The following LRRTM3 variants were observed in gnomAD, a reference collection of about 807,000 sequenced individuals.
The protein encoded by LRRTM3 is leucine-rich repeat transmembrane neuronal protein 3.
Under a neutral mutation model 44.7 loss-of-function variants are expected in LRRTM3, and 24 were observed. The ratio of observed to expected loss-of-function variants is 0.54; its 90% CI spans 0.39 to 0.76. LRRTM3 has a LOEUF of 0.76. Ranked by LOEUF, LRRTM3 falls within the 30% of genes least tolerant of loss-of-function variation. The probability of loss-of-function intolerance (pLI) is 0.00; values close to 1 mark genes in which losing one functional copy is unlikely to be tolerated. For synonymous variants in LRRTM3, 277 were observed against 278.7 expected (o/e 0.99, Z 0.06); for missense variants, 587 against 702.2 (o/e 0.84, Z 1.85).
chr10:66,962,739 C>G (rs1413493870), intron 2 of LRRTM3, among the ~76,000 whole-genome samples: 1 of 151,968 alleles, frequency 6.6e-6, no homozygotes. Flanking sequence ...ATTCAAATGT[C>G]CCTTCAATAA....
chr10:67,020,852 A>ATGAGAG (rs1852963530), intron 2 of LRRTM3, among the ~76,000 whole-genome samples: 1 of 152,154 alleles, frequency 6.6e-6, no homozygotes, highest in African/African-American at 2.4e-5. Flanking sequence ...AGATGAAGAG[A>ATGAGAG]TGAGAGTGAC....
At chr10:67,026,320 G>A (rs1853388351) in intron 2 of LRRTM3, among the ~76,000 whole-genome samples, 1 of 152,030 alleles carries the variant, frequency 6.6e-6, no homozygotes, top group Admixed American at 6.6e-5. Flanking sequence ...CCAGATTCAA[G>A]TAGAGTTTTA....
At chr10:66,975,034 T>A (rs1304814926) in intron 2 of LRRTM3, among the ~76,000 whole-genome samples, 1 of 152,182 alleles carries the variant, frequency 6.6e-6, no homozygotes, top group Non-Finnish European at 1.5e-5. Flanking sequence ...GAAGAGGAGA[T>A]GAGTAATCTG....
chr10:67,030,979 G>C (rs142581729), intron 2 of LRRTM3, among the ~76,000 whole-genome samples: 10 of 152,178 alleles, frequency 6.6e-5, no homozygotes, highest in African/African-American at 2.2e-4. Flanking sequence ...ACTCCAGCCT[G>C]GGCAACAAGA....
chr10:67,042,856 A>T lies in LRRTM3; in HGVS notation c.1537-54731A>T, dbSNP rs78266650. Among the ~76,000 whole-genome samples the T allele has an allele frequency of 0.01, 1,566 of 152,278 alleles. 65 individuals are homozygous for T. In the East Asian group the frequency reaches 0.14, roughly 14 times the overall value. On this transcript the variant is annotated intron_variant, in intron 2 of 2. Coordinates refer to ENST00000361320, the MANE Select transcript of LRRTM3 (RefSeq NM_178011.5). The stretch of plus-strand genomic sequence containing the variant: ...TAGTTCCAATGGAAATGTGAGGAAT[A>T]GGAGGTAGTTAAAGGGCAATAGACC...
chr10:66,955,884 G>A (rs1020844354), intron 2 of LRRTM3, among the ~76,000 whole-genome samples: 3 of 152,090 alleles, frequency 2.0e-5, no homozygotes, highest in East Asian at 1.9e-4. Context: ...ATCTGACTGG[G>A]GGGTATCTTT....
At chr10:67,058,767 C>T (rs1855587113) in intron 2 of LRRTM3, among the ~76,000 whole-genome samples, 1 of 152,176 alleles carries the variant, frequency 6.6e-6, no homozygotes. Flanking sequence ...CGTGACTAGA[C>T]TTGTAATGTC....
chr10:67,079,708 C>T (rs961278155), intron 2 of LRRTM3, among the ~76,000 whole-genome samples: 5 of 151,910 alleles, frequency 3.3e-5, no homozygotes, highest in Admixed American at 6.6e-5. Flanking sequence ...ACTAGCCAGG[C>T]GTGGTGGCGG....
intron 2 of LRRTM3, among the ~76,000 whole-genome samples, chr10:67,066,356 C>T (rs1856083408): frequency 6.6e-6 from 1 of 151,972 alleles, no homozygotes. Context: ...CCACATCAAG[C>T]TAATTTTTGT....
At chr10:67,082,465 A>G (rs561414551) in intron 2 of LRRTM3, among the ~76,000 whole-genome samples, 187 of 152,282 alleles carry the variant, frequency 1.2e-3, no homozygotes, top group Non-Finnish European at 2.1e-3. Flanking sequence ...TAAACCCCCA[A>G]GCAGATTTTG....
At position 67,060,461 on chromosome 10, in the gene LRRTM3, G is replaced by C. The variant is rs552279344; in HGVS notation, c.1537-37126G>C. Among the ~76,000 whole-genome samples the C allele has an allele frequency of 3.9e-5, 6 of 152,278 alleles. No homozygotes were observed. In the South Asian group the frequency reaches 1.2e-3, roughly 32 times the overall value. On this transcript the variant is annotated intron_variant, in intron 2 of 2. Transcript: ENST00000361320. ...TATACTCAAGTACATAAAAGTAAATGTTTCCAATTGTGGCAGAAATAGCCA... is the reference window on the plus strand; with the variant it reads ...TATACTCAAGTACATAAAAGTAAATCTTTCCAATTGTGGCAGAAATAGCCA...
chr10:67,005,566 G>C (rs531946869), intron 2 of LRRTM3, among the ~76,000 whole-genome samples: 1 of 151,976 alleles, frequency 6.6e-6, no homozygotes, highest in African/African-American at 2.4e-5. Flanking sequence ...GGAAGAGGAG[G>C]CAAAGGTGAA....
chr10:67,067,210 T>A (rs1346343497), intron 2 of LRRTM3, among the ~76,000 whole-genome samples: 1 of 152,184 alleles, frequency 6.6e-6, no homozygotes, highest in Non-Finnish European at 1.5e-5. Flanking sequence ...ACCACAGAAG[T>A]GAAACAATTT....
intron 2 of LRRTM3, among the ~76,000 whole-genome samples, chr10:67,059,733 T>C (rs1438917140): frequency 6.6e-6 from 1 of 152,054 alleles, no homozygotes; most frequent in African/African-American, 2.4e-5. Flanking sequence ...TGGAGAAAAA[T>C]CTGAAAATGC....
At chr10:67,020,216 A>G (rs934392115) in intron 2 of LRRTM3, among the ~76,000 whole-genome samples, 1 of 152,216 alleles carries the variant, frequency 6.6e-6, no homozygotes, top group African/African-American at 2.4e-5. Context: ...GCCAATCTTT[A>G]AAATATCATC....
chr10:66,971,201 GCA>G (rs1351118599), intron 2 of LRRTM3, among the ~76,000 whole-genome samples: 1 of 152,114 alleles, frequency 6.6e-6, no homozygotes, highest in African/African-American at 2.4e-5. Flanking sequence ...ACCGAGGCAG[GCA>G]GATCACAAGG....
intron 2 of LRRTM3, among the ~76,000 whole-genome samples, chr10:67,092,209 A>G (rs1857685906): frequency 6.6e-6 from 1 of 151,990 alleles, no homozygotes; most frequent in Non-Finnish European, 1.5e-5. Flanking sequence ...CAACCTAGAG[A>G]GTTAGAAAAC....
At position 66,927,314 on chromosome 10, in the gene LRRTM3, C is replaced by T. The variant is rs1847136021; in HGVS notation, c.398C>T (p.Thr133Ile). The change falls in exon 2 of 3, where the codon ACA becomes ATA. Residue 133 changes from threonine to isoleucine, a missense_variant. Physicochemically the swap from Thr to Ile is moderately conservative, Grantham distance 89 (BLOSUM62 -1). Coordinates refer to ENST00000361320, the MANE Select transcript of LRRTM3 (RefSeq NM_178011.5). The surrounding 1 kb of genome is among the most constrained non-coding windows in gnomAD (Gnocchi z 4.7). ...CTTAACAATACCTTCAGACCTGTGA[C>T]AAATTTACGGAACTTGGATCTGTCC... ...YFLNNTFRPV[T>I]NLRNLDLSYN... The T allele has an allele frequency of 1.9e-6, 3 of 1,614,038 alleles. No individual in the cohort carries two copies. The highest frequency in any genetic ancestry group is 1.7e-6 in the Non-Finnish European group (2 of 1,180,036).
At chr10:67,024,065 G>A (rs1853197027) in intron 2 of LRRTM3, among the ~76,000 whole-genome samples, 1 of 152,184 alleles carries the variant, frequency 6.6e-6, no homozygotes, top group Non-Finnish European at 1.5e-5. Flanking sequence ...CCGGAGGACA[G>A]AAGTCCAAAA....
Sources: allele counts gnomAD v4.1 joint callset (sites outside exome capture counted in the v4.1 genomes callset), GRCh38; gene constraint gnomAD v4.1.1; non-coding constraint Gnocchi (gnomAD v3.1); transcripts MANE v1.5; gene names NCBI Gene and HGNC (gene_info 2026-07-23, HGNC 2026-07-21).